The following RPRD2 variants were observed in gnomAD, a reference collection of about 807,000 sequenced individuals.
The protein encoded by RPRD2 is regulation of nuclear pre-mRNA domain containing 2.
RPRD2 carries 12 observed loss-of-function variants against 104.4 expected under a neutral mutation model. The ratio of observed to expected loss-of-function variants is 0.11; its 90% CI spans 0.07 to 0.19. The LOEUF is 0.19. Among genes scored for constraint, RPRD2 ranks in the 10% least tolerant of loss-of-function variants. The pLI is 1.00. For synonymous variants in RPRD2, 714 were observed against 684.9 expected (o/e 1.04, Z -0.66); for missense variants, 1,543 against 1,790.1 (o/e 0.86, Z 2.49).
intron 3 of RPRD2, 156 bp downstream of exon 3, chr1:150,441,179 T>C (rs1666382903): frequency 6.2e-6 from 3 of 487,122 alleles, no homozygotes; most frequent in Non-Finnish European, 7.2e-6. Context: ...AATCTAGATC[T>C]GTTTGAATTA....
At chr1:150,384,682 T>TGTGTGTG (rs200494207) in intron 1 of RPRD2, among the ~76,000 whole-genome samples, 3 of 125,310 alleles carry the variant, frequency 2.4e-5, no homozygotes, top group Non-Finnish European at 3.4e-5. Flanking sequence ...TGTGTGTGTG[T>TGTGTGTG]TTTTAGTAGA....
At chr1:150,456,207 G>T (rs1346436556) in intron 7 of RPRD2, among the ~76,000 whole-genome samples, 1 of 151,470 alleles carries the variant, frequency 6.6e-6, no homozygotes, top group Non-Finnish European at 1.5e-5. Flanking sequence ...TTTCTTGTCT[G>T]TCTCATTTCT....
chr1:150,433,707 G>A (rs2102330798), intron 2 of RPRD2, among the ~76,000 whole-genome samples: 1 of 110,622 alleles, frequency 9.0e-6, no homozygotes, highest in East Asian at 1.9e-4. Flanking sequence ...GCCTCCCAAA[G>A]TGCTGGGATT....
At position 150,425,964 on chromosome 1, in the gene RPRD2, G is replaced by A. The variant is rs1665093368; in HGVS notation, c.335+8239G>A. On this transcript the variant is annotated intron_variant, in intron 2 of 10. Coordinates refer to ENST00000369068, the MANE Select transcript of RPRD2 (RefSeq NM_015203.5). ...CATCTCTACTAAATTAACTGGGTGTGGTGGCATATGCCTGTGGTCCAAGCT... is the reference window on the plus strand; with the variant it reads ...CATCTCTACTAAATTAACTGGGTGTAGTGGCATATGCCTGTGGTCCAAGCT... Among the ~76,000 whole-genome samples, 3 of 152,098 alleles carry A rather than the reference G, an allele frequency of 2.0e-5. No individual in the cohort carries two copies. In the South Asian group the frequency reaches 6.2e-4, roughly 32 times the overall value.
At chr1:150,427,537 A>G (rs1370530738) in intron 2 of RPRD2, among the ~76,000 whole-genome samples, 1 of 151,944 alleles carries the variant, frequency 6.6e-6, no homozygotes, top group East Asian at 1.9e-4. Flanking sequence ...GGTGGCTCAC[A>G]CTTGTAATCC....
In RPRD2 at chr1:150,470,814, T is replaced by C. The variant is rs1445714619; in HGVS notation, c.1866T>C (p.Phe622=). 2.5e-6 allele frequency: 4 copies of C among 1,613,996 alleles called. No homozygotes were observed. In the South Asian group the frequency reaches 4.4e-5, roughly 18 times the overall value. The stretch of plus-strand genomic sequence containing the variant: ...GCCCAGGGCTCCCAAGCACTACTTT[T>C]AAACTACCTTCCAACTCTTTGGGGT... ...GQSPGLPSTT[F]KLPSNSLGFT... Residue 622 remains phenylalanine, a synonymous_variant, in exon 11 of 11, where the codon TTT becomes TTC. Transcript: ENST00000369068.
At position 150,430,882 on chromosome 1, in the gene RPRD2, G is replaced by A. The variant is rs587710000; in HGVS notation, c.336-10041G>A. ...GTGGAGGTTGCGGTGAGCTGAGATC[G>A]CGCCGTTGCACTCCAGCTTGGCCAA... On this transcript the variant is annotated intron_variant, in intron 2 of 10. Transcript: ENST00000369068. Among the ~76,000 whole-genome samples the A allele has an allele frequency of 7.2e-5, 11 of 151,760 alleles. No individual in the cohort carries two copies. The East Asian group carries it at 1.9e-3, about 27-fold the overall frequency.
At chr1:150,386,457 G>T (rs1052043215) in intron 1 of RPRD2, among the ~76,000 whole-genome samples, 6 of 152,174 alleles carry the variant, frequency 3.9e-5, no homozygotes, top group African/African-American at 1.4e-4. Flanking sequence ...GCTTGGTGGT[G>T]CTGCATTTAT....
chr1:150,368,869 A>G (rs1217327120), intron 1 of RPRD2, among the ~76,000 whole-genome samples: 1 of 152,164 alleles, frequency 6.6e-6, no homozygotes, highest in Non-Finnish European at 1.5e-5. Context: ...CAGCCTCCCA[A>G]AGTGTTGGAA....
chr1:150,388,520 C>CACACAT (rs1553882591), intron 1 of RPRD2, among the ~76,000 whole-genome samples: 2 of 148,170 alleles, frequency 1.3e-5, no homozygotes, highest in African/African-American at 2.5e-5. Context: ...CACACACACA[C>CACACAT]ACATATATAC....
chr1:150,439,291 C>A (rs1666246495), intron 2 of RPRD2, among the ~76,000 whole-genome samples: 1 of 152,268 alleles, frequency 6.6e-6, no homozygotes, highest in African/African-American at 2.4e-5. Context: ...ACCAGTCACA[C>A]ACATAGTCAG....
Position 150,475,778 on chromosome 1 carries a change from G to C in RPRD2, c.*2444G>C, listed in dbSNP as rs1245098843. ...TCTGGTATTCATAACGTGAAAGAAAGGGGTTTTATTCTTTCTGTGTCTGTG... is the reference window on the plus strand; with the variant it reads ...TCTGGTATTCATAACGTGAAAGAAACGGGTTTTATTCTTTCTGTGTCTGTG... On this transcript the variant is annotated 3_prime_UTR_variant, in exon 11 of 11. Coordinates refer to ENST00000369068, the MANE Select transcript of RPRD2 (RefSeq NM_015203.5). 2 of 152,420 alleles carry C rather than the reference G, an allele frequency of 1.3e-5. No homozygotes were observed. Among genetic ancestry groups the C allele is most frequent in the Non-Finnish European group, 2.9e-5 (2 of 68,026 alleles). 9.4% of individuals were successfully genotyped at this position (152,420 alleles called of 1,614,324 possible).
At chr1:150,469,109 T>C (rs1668454451) in intron 10 of RPRD2, among the ~76,000 whole-genome samples, 1 of 152,184 alleles carries the variant, frequency 6.6e-6, no homozygotes, top group Admixed American at 6.5e-5. Flanking sequence ...TGAAATTCTT[T>C]AGGCCAAATC....
chr1:150,401,130 T>C (rs1266140562), intron 1 of RPRD2, among the ~76,000 whole-genome samples: 3 of 151,904 alleles, frequency 2.0e-5, no homozygotes, highest in African/African-American at 7.3e-5. Context: ...TGAGCCGAGA[T>C]CACGCCACTG....
rs2102459202 is a variant in RPRD2, at chr1:150,476,449, T to G, written c.*3115T>G. The G allele has an allele frequency of 6.6e-6, 1 of 152,352 alleles. No individual in the cohort carries two copies. The highest frequency in any genetic ancestry group is 2.4e-5 in the African/African-American group (1 of 41,578). 9.4% of individuals were successfully genotyped at this position (152,352 alleles called of 1,614,324 possible). ...TAAGATCTAAAATAGATATGTTGGA[T>G]TGATATTCTCACGTGTTCGGTGTGG... On this transcript the variant is annotated 3_prime_UTR_variant, in exon 11 of 11. Transcript: ENST00000369068.
At chr1:150,455,458 T>C (rs6694394) in intron 7 of RPRD2, among the ~76,000 whole-genome samples, 33,468 of 150,900 alleles carry the variant, frequency 0.22, 4,162 homozygotes, top group African/African-American at 0.32. Context: ...GCCAAGACCA[T>C]ACCACTGCAC....
At chr1:150,439,481 A>G (rs1666263381) in intron 2 of RPRD2, among the ~76,000 whole-genome samples, 1 of 152,062 alleles carries the variant, frequency 6.6e-6, no homozygotes, top group African/African-American at 2.4e-5. Flanking sequence ...CCCTGTCTCA[A>G]AAAAAAAGAA....
chr1:150,443,363 AT>A, intron 5 of RPRD2, 80 bp downstream of exon 5: 1 of 990,018 alleles, frequency 1.0e-6, no homozygotes, highest in Non-Finnish European at 1.5e-6. Context: ...GTCCAATAAG[AT>A]TTATCTGTAT....
rs767116784 is a variant in RPRD2, at chr1:150,472,802, G to T, written c.3854G>T (p.Ser1285Ile). The T allele has an allele frequency of 1.2e-6, 2 of 1,611,238 alleles. No homozygotes were observed. Among genetic ancestry groups the T allele is most frequent in the Non-Finnish European group, 1.7e-6 (2 of 1,177,818 alleles). Residue 1285 changes from serine to isoleucine, a missense_variant, in exon 11 of 11, where the codon AGT (serine) becomes ATT (isoleucine). Coordinates refer to ENST00000369068, the MANE Select transcript of RPRD2 (RefSeq NM_015203.5). ...PPGEHSSSGG[S>I]GVPFSTPPPP... ...GGGGAACATAGCAGCAGTGGTGGGA[G>T]TGGTGTCCCCTTTTCTACTCCACCC... is the stretch of plus-strand genomic sequence containing the variant.
Sources: allele counts gnomAD v4.1 joint callset (sites outside exome capture counted in the v4.1 genomes callset), GRCh38; gene constraint gnomAD v4.1.1; transcripts MANE v1.5; gene names NCBI Gene and HGNC (gene_info 2026-07-23, HGNC 2026-07-21).